SLIT2: variants seen among roughly 807,000 people sequenced by gnomAD.
The protein encoded by SLIT2 is slit homolog 2 protein.
SLIT2 carries 41 observed loss-of-function variants against 185.7 expected under a neutral mutation model. The ratio of observed to expected loss-of-function variants is 0.22; its 90% CI spans 0.17 to 0.29. SLIT2 has a LOEUF of 0.29. Among genes scored for constraint, SLIT2 ranks in the 10% least tolerant of loss-of-function variants. The pLI is 1.00. For missense variants in SLIT2, 1,571 were observed against 1,909.0 expected, an observed-to-expected ratio of 0.82 and a Z score of 3.30; for synonymous variants, 693 against 680.2, an observed-to-expected ratio of 1.02 and a Z score of -0.29.
At chr4:20,421,031 A>G (rs1032706025) in intron 4 of SLIT2, among the ~76,000 whole-genome samples, 1 of 152,176 alleles carries the variant, frequency 6.6e-6, no homozygotes, top group Admixed American at 6.6e-5. Flanking sequence ...ATCCCTAGCA[A>G]GTTAAAACAC....
chr4:20,506,088 TG>T (rs1719181829), intron 9 of SLIT2, among the ~76,000 whole-genome samples: 1 of 152,056 alleles, frequency 6.6e-6, no homozygotes, highest in South Asian at 2.1e-4. Context: ...TTCATGTGTG[TG>T]TATATGTAAA....
At chr4:20,594,303 A>ATG (rs978804329) in intron 30 of SLIT2, among the ~76,000 whole-genome samples, 2 of 151,054 alleles carry the variant, frequency 1.3e-5, no homozygotes, top group Admixed American at 6.6e-5. Context: ...ATATATATAT[A>ATG]TGTGTGTGTA....
intron 5 of SLIT2, among the ~76,000 whole-genome samples, chr4:20,472,397 G>GATATAGATATCTATATATCTATAT (rs1715366184): frequency 4.5e-5 from 1 of 22,394 alleles, no homozygotes; most frequent in Non-Finnish European, 7.1e-5. Context: ...TAGATATATA[G>GATATAGATATCTATATATCTATAT]ATATAGATAT....
At position 20,394,148 on chromosome 4, in the gene SLIT2, A is replaced by G. The variant is rs563155546; in HGVS notation, c.396-73604A>G. 2.2e-4 allele frequency among the ~76,000 whole-genome samples: 33 copies of G among 152,118 alleles called. 1 individual carries two copies. The highest frequency in any genetic ancestry group is 4.4e-4 in the Non-Finnish European group (30 of 67,984). Reference sequence around the variant, plus strand: ...ATCATTTGACTACTTCAGATGGTGTATTCATGATCCTTGAATTAAAATCAG... The same window carrying G: ...ATCATTTGACTACTTCAGATGGTGTGTTCATGATCCTTGAATTAAAATCAG... On this transcript the variant is annotated intron_variant, in intron 4 of 36. Transcript: ENST00000504154.
At position 20,252,209 on chromosome 4, in the gene SLIT2, C is replaced by T. The variant is rs954040719; in HGVS notation, c.-1607C>T. ...CGCCAGTCAGCCCCAGCGAACAACT[C>T]CAGTTACGACAACAACCCACCTTCC... is the stretch of plus-strand genomic sequence containing the variant. On this transcript the variant is annotated 5_prime_UTR_variant, in exon 1 of 37. Transcript: ENST00000504154. Among the ~76,000 whole-genome samples, 1 of 152,080 alleles carries T rather than the reference C, an allele frequency of 6.6e-6. No individual in the cohort carries two copies. Among genetic ancestry groups the T allele is most frequent in the African/African-American group, 2.4e-5 (1 of 41,432 alleles).
intron 4 of SLIT2, among the ~76,000 whole-genome samples, chr4:20,317,866 C>T (rs138546530): frequency 5.8e-4 from 89 of 152,140 alleles, no homozygotes; most frequent in African/African-American, 1.9e-3. Context: ...AAAGAATCTA[C>T]GTCTTCTTGT....
intron 4 of SLIT2, among the ~76,000 whole-genome samples, chr4:20,272,102 A>C (rs1713685138): frequency 6.6e-6 from 1 of 152,030 alleles, no homozygotes; most frequent in South Asian, 2.1e-4. Context: ...TTGGAGTAGG[A>C]GACTAGTTTA....
intron 4 of SLIT2, among the ~76,000 whole-genome samples, chr4:20,404,540 G>C (rs1726614402): frequency 6.6e-6 from 1 of 151,918 alleles, no homozygotes; most frequent in South Asian, 2.1e-4. Flanking sequence ...CTGCTCAGTG[G>C]GTGTTAGCAG....
intron 4 of SLIT2, among the ~76,000 whole-genome samples, chr4:20,307,919 C>A (rs1286554427): frequency 6.6e-6 from 1 of 152,190 alleles, no homozygotes; most frequent in African/African-American, 2.4e-5. Context: ...GTTTTCACAA[C>A]ACAGCAGCTA....
At chr4:20,344,543 T>A (rs762724284) in intron 4 of SLIT2, among the ~76,000 whole-genome samples, 1 of 152,234 alleles carries the variant, frequency 6.6e-6, no homozygotes, top group African/African-American at 2.4e-5. Context: ...AGCCATCTGT[T>A]GTGACTGACT....
At chr4:20,356,786 C>T (rs1008711249) in intron 4 of SLIT2, among the ~76,000 whole-genome samples, 1 of 152,188 alleles carries the variant, frequency 6.6e-6, no homozygotes, top group Middle Eastern at 3.4e-3. Context: ...TGCCTGGAAA[C>T]GCTCCTTCTT....
At chr4:20,550,194 A>T (rs1577907891) in intron 24 of SLIT2, among the ~76,000 whole-genome samples, 1 of 152,048 alleles carries the variant, frequency 6.6e-6, no homozygotes, top group Admixed American at 6.6e-5. Flanking sequence ...TCCTGTCTTA[A>T]TTTGCACTTC....
chr4:20,255,936 G>C (rs1711777202), intron 1 of SLIT2, among the ~76,000 whole-genome samples: 1 of 152,172 alleles, frequency 6.6e-6, no homozygotes, highest in South Asian at 2.1e-4. Flanking sequence ...GGCAAGTTTA[G>C]ATCTTGACCT....
At chr4:20,512,937 C>T (rs566911522) in intron 11 of SLIT2, among the ~76,000 whole-genome samples, 29 of 152,174 alleles carry the variant, frequency 1.9e-4, no homozygotes, top group Admixed American at 1.9e-3. Flanking sequence ...ATAAATAGAA[C>T]AGTTTATTAT....
chr4:20,602,509 A>G (rs1359768183), intron 33 of SLIT2, among the ~76,000 whole-genome samples: 1 of 152,216 alleles, frequency 6.6e-6, no homozygotes, highest in Non-Finnish European at 1.5e-5. Context: ...GCATACAGGC[A>G]GTAGTGTAGA....
At chr4:20,257,330 G>A (rs180766546) in intron 2 of SLIT2, among the ~76,000 whole-genome samples, 9 of 152,036 alleles carry the variant, frequency 5.9e-5, no homozygotes, top group East Asian at 3.9e-4. Flanking sequence ...CACCACTTGC[G>A]AGTCAATGTA....
chr4:20,257,111 A>G (rs545074626), intron 2 of SLIT2, among the ~76,000 whole-genome samples: 1 of 152,226 alleles, frequency 6.6e-6, no homozygotes, highest in African/African-American at 2.4e-5. Flanking sequence ...GTGGATCTGT[A>G]TTTTATTATT....
intron 21 of SLIT2, among the ~76,000 whole-genome samples, chr4:20,542,966 AC>A (rs1722945937): frequency 6.6e-6 from 1 of 151,812 alleles, no homozygotes; most frequent in Admixed American, 6.6e-5. Context: ...TTGTTCCTAT[AC>A]CCCTTTTCTC....
At chr4:20,521,370 A>T (rs1028660955) in intron 12 of SLIT2, among the ~76,000 whole-genome samples, 1 of 152,226 alleles carries the variant, frequency 6.6e-6, no homozygotes, top group Non-Finnish European at 1.5e-5. Flanking sequence ...TTGGTTGGTC[A>T]GAGATTAGAG....
Sources: allele counts gnomAD v4.1 joint callset (sites outside exome capture counted in the v4.1 genomes callset), GRCh38; gene constraint gnomAD v4.1.1; transcripts MANE v1.5; gene names NCBI Gene and HGNC (gene_info 2026-07-23, HGNC 2026-07-21).